The following SCP2 variants were observed in gnomAD, a reference collection of about 807,000 sequenced individuals.
SCP2 encodes sterol carrier protein 2.
SCP2 carries 48 observed loss-of-function variants against 71.4 expected under a neutral mutation model. That is an observed-to-expected ratio of 0.67 (90% CI 0.53 to 0.86). SCP2 has a LOEUF of 0.86. SCP2 is among the 40% of genes least tolerant of loss of function. The pLI, the probability that SCP2 is intolerant of heterozygous loss-of-function variation, is 0.00. For missense variants in SCP2, 560 were observed against 655.6 expected (o/e 0.85, Z 1.59); for synonymous variants, 220 against 218.1 (o/e 1.01, Z -0.08).
chr1:52,927,912 C>T (rs1423191046), intron 1 of SCP2, among the ~76,000 whole-genome samples: 1 of 152,188 alleles, frequency 6.6e-6, no homozygotes, highest in Non-Finnish European at 1.5e-5. Flanking sequence ...TGGCAGATTC[C>T]GGCCTCCCTC....
At chr1:52,943,339 C>A (rs777886136) in intron 2 of SCP2, among the ~76,000 whole-genome samples, 2 of 151,892 alleles carry the variant, frequency 1.3e-5, no homozygotes, top group Non-Finnish European at 2.9e-5. Context: ...TCTCCTGCCT[C>A]AGCCTCCTGA....
At chr1:52,977,093 G>A (rs530099086) in intron 8 of SCP2, among the ~76,000 whole-genome samples, 1 of 152,294 alleles carries the variant, frequency 6.6e-6, no homozygotes, top group South Asian at 2.1e-4. Flanking sequence ...TCCCTGCTAT[G>A]TACTTCTACT....
chr1:52,977,560 T>G (rs1241312962), intron 8 of SCP2, among the ~76,000 whole-genome samples: 1 of 152,210 alleles, frequency 6.6e-6, no homozygotes, highest in Non-Finnish European at 1.5e-5. Flanking sequence ...GCTGGGGCGG[T>G]CTGTAGTAGA....
intron 13 of SCP2, among the ~76,000 whole-genome samples, chr1:53,028,457 A>G (rs1022079387): frequency 7.9e-5 from 12 of 151,612 alleles, no homozygotes; most frequent in African/African-American, 2.9e-4. Context: ...TAATATTTAA[A>G]ATGAGCCTTT....
intron 11 of SCP2, chr1:52,993,773 C>T (rs1659720536): frequency 1.3e-6 from 2 of 1,577,452 alleles, no homozygotes; most frequent in South Asian, 2.2e-5. Context: ...ATAATATTCC[C>T]CTCTCTCCTC....
intron 5 of SCP2, among the ~76,000 whole-genome samples, chr1:52,960,411 GCCTTCC>G (rs2150140193): frequency 6.6e-6 from 1 of 151,444 alleles, no homozygotes; most frequent in South Asian, 2.1e-4. Flanking sequence ...GCTCAGGTGG[GCCTTCC>G]ACCTGGGCCT....
intron 11 of SCP2, chr1:52,995,889 C>T: frequency 6.8e-7 from 1 of 1,469,636 alleles, no homozygotes; most frequent in Non-Finnish European, 9.2e-7. Flanking sequence ...TGGTACACAG[C>T]TGAGGGCATG....
rs1488698284 is a variant in SCP2, at chr1:52,927,402, C to T, written c.6C>T (p.Ser2=). M[S]SSPWEPATLR... is the part of the protein sequence containing the mutation. The stretch of plus-strand genomic sequence containing the variant: ...GGTCCCGCACTGGTGCAGCCATGTC[C>T]TCTTCCCCGTGGGAGCCTGCGACCC... The change falls in exon 1 of 16, where the codon TCC becomes TCT. Residue 2 remains serine (S), a synonymous_variant. Coordinates refer to ENST00000371514, the MANE Select transcript of SCP2 (RefSeq NM_002979.5). 1.9e-6 allele frequency: 3 copies of T among 1,593,904 alleles called. No homozygotes were observed. Among genetic ancestry groups the T allele is most frequent in the African/African-American group, 1.3e-5 (1 of 74,720 alleles).
chr1:52,944,360 C>T (rs1654574186), intron 2 of SCP2, among the ~76,000 whole-genome samples: 1 of 152,112 alleles, frequency 6.6e-6, no homozygotes, highest in South Asian at 2.1e-4. Context: ...ATTCCTTCAA[C>T]ATCAACTCTG....
At chr1:52,956,982 T>C (rs1224827248) in intron 5 of SCP2, among the ~76,000 whole-genome samples, 1 of 145,752 alleles carries the variant, frequency 6.9e-6, no homozygotes, top group Non-Finnish European at 1.5e-5. Flanking sequence ...CAATCTTGGC[T>C]CACTGCAACC....
Position 53,032,866 on chromosome 1 carries a change from T to C in SCP2, c.1338+4795T>C, listed in dbSNP as rs1662654820. Among the ~76,000 whole-genome samples the C allele has an allele frequency of 2.0e-5, 3 of 152,328 alleles. No individual in the cohort carries two copies. In the South Asian group the frequency reaches 6.2e-4, roughly 32 times the overall value. On this transcript the variant is annotated intron_variant, in intron 13 of 15. Transcript: ENST00000371514. ...AATGTCTGCCCAACTATTTGTATGGTTTTGTGAAGATTAAAGAAATTATAT... is the reference window on the plus strand; with the variant it reads ...AATGTCTGCCCAACTATTTGTATGGCTTTGTGAAGATTAAAGAAATTATAT...
At chr1:53,008,041 A>C (rs1352513634) in intron 11 of SCP2, among the ~76,000 whole-genome samples, 1 of 152,206 alleles carries the variant, frequency 6.6e-6, no homozygotes, top group Non-Finnish European at 1.5e-5. Flanking sequence ...GAAATGGATA[A>C]ATTCCTGGAC....
At chr1:53,043,225 G>A (rs919410051) in intron 14 of SCP2, among the ~76,000 whole-genome samples, 3 of 152,184 alleles carry the variant, frequency 2.0e-5, no homozygotes, top group African/African-American at 7.2e-5. Context: ...TAAATATGAT[G>A]AGAATAATTT....
chr1:52,960,510 G>A lies in SCP2; in HGVS notation c.397-993G>A, dbSNP rs1557561890. On this transcript the variant is annotated intron_variant, in intron 5 of 15. Transcript: ENST00000371514. ...TGTGTGTGTGTGTGTGTGTGTGTGT[G>A]TGTGTGTGTATATGTGTGTATATAT... Among the ~76,000 whole-genome samples, 662 of 145,170 alleles carry A rather than the reference G, an allele frequency of 4.6e-3. 5 individuals carry two copies. The highest frequency in any genetic ancestry group is 0.015 in the African/African-American group (568 of 38,624).
intron 11 of SCP2, among the ~76,000 whole-genome samples, chr1:52,996,661 A>G (rs1049061031): frequency 6.6e-6 from 1 of 152,012 alleles, no homozygotes; most frequent in Non-Finnish European, 1.5e-5. Context: ...CCTCTCTCAT[A>G]TATTGAATTC....
chr1:52,928,071 T>G (rs1262003044), intron 1 of SCP2, among the ~76,000 whole-genome samples: 2 of 152,262 alleles, frequency 1.3e-5, no homozygotes, highest in Non-Finnish European at 2.9e-5. Flanking sequence ...GCTTCTGTTC[T>G]GTTTGTACCG....
chr1:52,947,789 T>C (rs755518199), intron 2 of SCP2, among the ~76,000 whole-genome samples: 8 of 152,114 alleles, frequency 5.3e-5, no homozygotes, highest in Non-Finnish European at 1.0e-4. Flanking sequence ...AAGTGTTAAG[T>C]ACCAAAAAGG....
chr1:52,944,800 G>A (rs1333667233), intron 2 of SCP2, among the ~76,000 whole-genome samples: 2 of 151,852 alleles, frequency 1.3e-5, no homozygotes, highest in African/African-American at 4.8e-5. Context: ...GGTGGGCGGA[G>A]CACCTGAAGC....
chr1:53,046,330 C>CT (rs749725244), intron 14 of SCP2, among the ~76,000 whole-genome samples: 1,400 of 120,886 alleles, frequency 0.012, 20 homozygotes, highest in African/African-American at 0.032. Context: ...TGGGTATTGT[C>CT]TTTTTTTTTT....
Sources: allele counts gnomAD v4.1 joint callset (sites outside exome capture counted in the v4.1 genomes callset), GRCh38; gene constraint gnomAD v4.1.1; transcripts MANE v1.5; gene names NCBI Gene and HGNC (gene_info 2026-07-23, HGNC 2026-07-21).